NIPBL: variants seen among roughly 807,000 people sequenced by gnomAD.
The protein encoded by NIPBL is NIPBL cohesin loading factor.
NIPBL carries 19 observed loss-of-function variants against 321.8 expected under a neutral mutation model. The observed-to-expected ratio is 0.06, with a 90% CI of 0.04 to 0.09. The LOEUF (loss-of-function observed/expected upper bound fraction) is 0.09. Ranked by LOEUF, NIPBL falls within the 10% of genes least tolerant of loss-of-function variation. The pLI is 1.00. For synonymous variants in NIPBL, 1,106 were observed against 1,114.1 expected, an observed-to-expected ratio of 0.99 and a Z score of 0.14; for missense variants, 2,210 against 3,327.0, an observed-to-expected ratio of 0.66 and a Z score of 8.26.
At chr5:36,900,975 G>T (rs1285509158) in intron 1 of NIPBL, among the ~76,000 whole-genome samples, 1 of 152,024 alleles carries the variant, frequency 6.6e-6, no homozygotes, top group Non-Finnish European at 1.5e-5. Context: ...AGATTCCAGG[G>T]GGTACATGTG....
intron 1 of NIPBL, among the ~76,000 whole-genome samples, chr5:36,892,063 G>A (rs1218541154): frequency 6.6e-6 from 1 of 152,098 alleles, no homozygotes; most frequent in East Asian, 1.9e-4. Flanking sequence ...TAAAAGGAAT[G>A]GATATTGAAA....
chr5:37,036,349 A>G lies in NIPBL; in HGVS notation c.5863-30A>G, dbSNP rs199888273. 551 of 61,094 alleles carry G rather than the reference A, an allele frequency of 9.0e-3. 12 individuals carry two copies. Among genetic ancestry groups the G allele is most frequent in the East Asian group, 0.049 (107 of 2,192 alleles). 3.8% of individuals were successfully genotyped at this position (61,094 alleles called of 1,614,324 possible). ...TTTTCTTTTTTGTATATATATATGT[A>G]TATATATATATATATATATGTATAT... On this transcript the variant is annotated intron_variant, in intron 32 of 46. Coordinates refer to ENST00000282516, the MANE Select transcript of NIPBL (RefSeq NM_133433.4).
intron 1 of NIPBL, among the ~76,000 whole-genome samples, chr5:36,886,857 A>G (rs1056661612): frequency 3.3e-5 from 5 of 151,796 alleles, no homozygotes; most frequent in African/African-American, 7.3e-5. Context: ...TAAAAATGGA[A>G]TCATATATAG....
intron 1 of NIPBL, among the ~76,000 whole-genome samples, chr5:36,909,767 T>C (rs913303316): frequency 2.0e-5 from 3 of 152,164 alleles, no homozygotes; most frequent in African/African-American, 7.2e-5. Context: ...TTTAACAATG[T>C]ATTATTAAAG....
chr5:37,021,762 C>T (rs936078398), intron 27 of NIPBL, among the ~76,000 whole-genome samples: 5 of 152,290 alleles, frequency 3.3e-5, no homozygotes, highest in South Asian at 2.1e-4. Flanking sequence ...ATTCAAGTTA[C>T]ACATAGCAAG....
rs550836393 is a variant in NIPBL, at chr5:36,983,495, A to C, written c.1496-1181A>C. On this transcript the variant is annotated intron_variant, in intron 9 of 46. Transcript: ENST00000282516. ...AATAAGGAGCCATTTTTCAGTTGTC[A>C]GTTTGACTTTTAACCTTGTGATACC... Among the ~76,000 whole-genome samples the C allele has an allele frequency of 1.0e-3, 156 of 152,080 alleles. 1 individual carries two copies. Among genetic ancestry groups the C allele is most frequent in the African/African-American group, 3.7e-3 (152 of 41,570 alleles).
intron 9 of NIPBL, among the ~76,000 whole-genome samples, chr5:36,980,432 C>T (rs1398829352): frequency 6.6e-6 from 1 of 151,652 alleles, no homozygotes; most frequent in African/African-American, 2.4e-5. Flanking sequence ...GATTTATAGT[C>T]ACGTATCACA....
At chr5:37,016,004 A>G (rs773558650) in intron 22 of NIPBL, 34 bp from the exon 23 acceptor site, 3 of 1,611,994 alleles carry the variant, frequency 1.9e-6, no homozygotes, top group African/African-American at 2.7e-5. Flanking sequence ...TGTCACCTAA[A>G]TTGACATCCT....
At chr5:36,921,007 G>A (rs542696334) in intron 1 of NIPBL, among the ~76,000 whole-genome samples, 20 of 151,558 alleles carry the variant, frequency 1.3e-4, no homozygotes, top group African/African-American at 4.8e-4. Flanking sequence ...TTTACCATGG[G>A]TTAGGTTTAC....
intron 32 of NIPBL, among the ~76,000 whole-genome samples, 195 bp downstream of exon 32, chr5:37,027,607 T>G (rs1462070419): frequency 6.6e-5 from 9 of 136,884 alleles, no homozygotes; most frequent in Non-Finnish European, 1.3e-4. Context: ...GTTGTGGTTT[T>G]TTTTTTTTTT....
chr5:36,944,323 C>T (rs1739430088), intron 1 of NIPBL, among the ~76,000 whole-genome samples: 1 of 152,132 alleles, frequency 6.6e-6, no homozygotes, highest in South Asian at 2.1e-4. Flanking sequence ...TGATTTTTTG[C>T]ATCTCTTCCA....
intron 21 of NIPBL, 73 bp downstream of exon 21, chr5:37,010,298 T>C (rs529922808): frequency 6.1e-5 from 78 of 1,276,428 alleles, no homozygotes; most frequent in Admixed American, 2.0e-4. Flanking sequence ...GTCATTCTTA[T>C]AAAACTGAAG....
In NIPBL at chr5:37,000,892, A is replaced by G; in HGVS notation, c.3574+4A>G. 1 of 1,609,208 alleles carries G rather than the reference A, an allele frequency of 6.2e-7. No homozygotes were observed. The highest frequency in any genetic ancestry group is 8.5e-7 in the Non-Finnish European group (1 of 1,175,926). On this transcript the variant is annotated splice_donor_region_variant and intron_variant, in intron 13 of 46. Transcript: ENST00000282516. ...GAACCAAAACTAACACCTGAAGGTA[A>G]CACGTTAGTTTATTTAATTTGTCTT...
intron 32 of NIPBL, among the ~76,000 whole-genome samples, chr5:37,030,193 T>C (rs1175903072): frequency 6.6e-6 from 1 of 152,188 alleles, no homozygotes; most frequent in African/African-American, 2.4e-5. Context: ...GTACATTCTT[T>C]GTATCTTTAT....
intron 44 of NIPBL, among the ~76,000 whole-genome samples, chr5:37,060,281 C>T (rs758542977): frequency 2.0e-5 from 3 of 152,194 alleles, no homozygotes; most frequent in African/African-American, 4.8e-5. Context: ...ACTTCAGCCA[C>T]CTGAGTAGCT....
intron 1 of NIPBL, among the ~76,000 whole-genome samples, chr5:36,902,622 AC>A (rs1177145929): frequency 2.0e-5 from 3 of 152,130 alleles, no homozygotes; most frequent in African/African-American, 7.2e-5. Context: ...TTGTACCAGT[AC>A]TGTGCTGTTT....
At chr5:36,915,040 G>A (rs1018511712) in intron 1 of NIPBL, among the ~76,000 whole-genome samples, 1 of 151,814 alleles carries the variant, frequency 6.6e-6, no homozygotes, top group Admixed American at 6.6e-5. Context: ...GCATTAGATA[G>A]TGTTTTCAGA....
At chr5:37,027,543 C>G in intron 32 of NIPBL, 131 bp downstream of exon 32, 1 of 479,104 alleles carries the variant, frequency 2.1e-6, no homozygotes, top group Non-Finnish European at 3.8e-6. Flanking sequence ...AAATTTATTT[C>G]AATATGTTAG....
intron 45 of NIPBL, among the ~76,000 whole-genome samples, chr5:37,063,508 A>C (rs1288187631): frequency 6.6e-6 from 1 of 152,246 alleles, no homozygotes; most frequent in Non-Finnish European, 1.5e-5. Context: ...TTTGCAAACA[A>C]AGTTTTATTG....
Sources: gnomAD v4.1 joint callset for allele counts (sites outside exome capture counted in the v4.1 genomes callset) on GRCh38, gnomAD v4.1.1 for gene constraint, MANE v1.5 for transcripts, NCBI Gene and HGNC (gene_info 2026-07-23, HGNC 2026-07-21) for gene names.